AKAP19: variants seen among roughly 807,000 people sequenced by gnomAD.
AKAP19 encodes small A-kinase anchoring protein.
chr2:190,136,037 G>A, the AKAP19 span, among the ~76,000 whole-genome samples: 1 of 152,196 alleles, frequency 6.6e-6, no homozygotes, highest in Non-Finnish European at 1.5e-5. Flanking sequence ...TTCCTGGCAT[G>A]TAGTAGACAC....
chr2:190,079,054 C>T, the AKAP19 span, among the ~76,000 whole-genome samples: 1 of 152,126 alleles, frequency 6.6e-6, no homozygotes, highest in Admixed American at 6.5e-5. Context: ...TTTCATCCAG[C>T]TCTCTGACTT....
the AKAP19 span, among the ~76,000 whole-genome samples, chr2:189,988,526 T>C: frequency 6.6e-6 from 1 of 152,242 alleles, no homozygotes; most frequent in Non-Finnish European, 1.5e-5. Flanking sequence ...AAGGACAGTA[T>C]ATTGTTTCCT....
chr2:190,069,136 ATGTG>A, the AKAP19 span, among the ~76,000 whole-genome samples: 7,213 of 127,034 alleles, frequency 0.057, 220 homozygotes, highest in Middle Eastern at 0.074. Flanking sequence ...GTGCATGCAT[ATGTG>A]TGTGTGTGTG....
chr2:190,102,257 T>C, the AKAP19 span, among the ~76,000 whole-genome samples: 4 of 151,592 alleles, frequency 2.6e-5, no homozygotes, highest in Non-Finnish European at 4.4e-5. Flanking sequence ...AAATTAATGA[T>C]CTAACATACA....
the AKAP19 span, among the ~76,000 whole-genome samples, chr2:189,980,784 A>G: frequency 6.6e-6 from 1 of 152,152 alleles, no homozygotes; most frequent in South Asian, 2.1e-4. Flanking sequence ...TTTACCCAAA[A>G]TTTATTCAGG....
chr2:190,097,007 G>A, the AKAP19 span, among the ~76,000 whole-genome samples: 3 of 152,176 alleles, frequency 2.0e-5, no homozygotes, highest in South Asian at 2.1e-4. Flanking sequence ...GCATTTTGGC[G>A]AGAGACACAA....
the AKAP19 span, among the ~76,000 whole-genome samples, chr2:189,960,447 G>A: frequency 6.6e-6 from 1 of 152,160 alleles, no homozygotes; most frequent in East Asian, 1.9e-4. Context: ...AGCTGAAAGA[G>A]AGAAATGAGC....
the AKAP19 span, among the ~76,000 whole-genome samples, chr2:189,942,783 G>T: frequency 4.2e-4 from 64 of 152,350 alleles, 1 homozygote; most frequent in African/African-American, 1.5e-3. Flanking sequence ...ACTGCATTCT[G>T]TTCATGCCGT....
At chr2:189,955,412 G>A in the AKAP19 span, among the ~76,000 whole-genome samples, 1 of 152,108 alleles carries the variant, frequency 6.6e-6, no homozygotes, top group Non-Finnish European at 1.5e-5. Flanking sequence ...ATTGTGAATA[G>A]GGCTGTGATA....
chr2:190,165,330 G>A, the AKAP19 span, among the ~76,000 whole-genome samples: 8 of 152,110 alleles, frequency 5.3e-5, no homozygotes, highest in East Asian at 1.9e-4. Flanking sequence ...CCAGATACTC[G>A]AGAGGCTGAG....
the AKAP19 span, among the ~76,000 whole-genome samples, chr2:190,077,353 G>A: frequency 6.6e-6 from 1 of 151,684 alleles, no homozygotes; most frequent in African/African-American, 2.4e-5. Context: ...GGGATTACAG[G>A]TGCCTGCCAC....
At chr2:190,147,818 G>A in the AKAP19 span, among the ~76,000 whole-genome samples, 3 of 151,928 alleles carry the variant, frequency 2.0e-5, no homozygotes, top group Non-Finnish European at 4.4e-5. Flanking sequence ...CTTGGTTGCT[G>A]TTGGCGTATA....
At chr2:189,931,694 A>G in the AKAP19 span, among the ~76,000 whole-genome samples, 1 of 151,990 alleles carries the variant, frequency 6.6e-6, no homozygotes, top group Non-Finnish European at 1.5e-5. Flanking sequence ...ATCGTGGCTC[A>G]CTGCAGCCTT....
At chr2:189,883,385 A>C in the AKAP19 span, among the ~76,000 whole-genome samples, 2 of 152,184 alleles carry the variant, frequency 1.3e-5, no homozygotes, top group East Asian at 3.8e-4. Flanking sequence ...ACCAGGGCTT[A>C]GAAGATCTCA....
the AKAP19 span, among the ~76,000 whole-genome samples, chr2:189,982,254 T>C: frequency 0.2 from 31,051 of 152,050 alleles, 3,407 homozygotes; most frequent in African/African-American, 0.29. Context: ...AAAAGATTAA[T>C]CTTCAAGCTC....
chr2:190,193,250 A>G, the AKAP19 span, among the ~76,000 whole-genome samples: 2 of 152,058 alleles, frequency 1.3e-5, no homozygotes, highest in Non-Finnish European at 2.9e-5. Flanking sequence ...ATAGTGAATT[A>G]TATCTATTGT....
the AKAP19 span, among the ~76,000 whole-genome samples, chr2:190,015,992 G>T: frequency 6.6e-6 from 1 of 152,194 alleles, no homozygotes; most frequent in Non-Finnish European, 1.5e-5. Context: ...GGACTTCATT[G>T]TCTACATCAT....
chr2:190,078,536 A>C, the AKAP19 span, among the ~76,000 whole-genome samples: 12,949 of 152,232 alleles, frequency 0.085, 1,907 homozygotes, highest in African/African-American at 0.3. Context: ...AAAAATGGCA[A>C]AAAGAAATAT....
the AKAP19 span, among the ~76,000 whole-genome samples, chr2:189,882,261 A>G: frequency 6.6e-6 from 1 of 152,162 alleles, no homozygotes; most frequent in Non-Finnish European, 1.5e-5. Context: ...ACCCTTCTTC[A>G]CTGTTTCCAG....
Sources: gnomAD v4.1 joint callset for allele counts (sites outside exome capture counted in the v4.1 genomes callset) on GRCh38, gnomAD v4.1.1 for gene constraint, MANE v1.5 for transcripts, NCBI Gene and HGNC (gene_info 2026-07-23, HGNC 2026-07-21) for gene names.